Variants in AP3S1 observed in about 807,000 individuals in gnomAD.
AP3S1 encodes the protein adaptor related protein complex 3 subunit sigma 1.
AP3S1 carries 12 observed loss-of-function variants against 21.3 expected under a neutral mutation model. The ratio of observed to expected loss-of-function variants is 0.56; its 90% CI spans 0.36 to 0.91. The LOEUF (loss-of-function observed/expected upper bound fraction) is 0.91, where lower values mean the gene tolerates loss of function less well. Among genes scored for constraint, AP3S1 ranks in the 40% least tolerant of loss-of-function variants. The probability of loss-of-function intolerance (pLI) is 0.01; values close to 1 mark genes in which losing one functional copy is unlikely to be tolerated. For synonymous variants in AP3S1, 48 were observed against 78.4 expected (o/e 0.61, Z 2.05); for missense variants, 116 against 225.0 (o/e 0.52, Z 3.10).
In AP3S1 at chr5:115,851,471, C is replaced by G. The variant is rs548203518; in HGVS notation, c.69+9365C>G. Among the ~76,000 whole-genome samples, 14 of 152,220 alleles carry G rather than the reference C, an allele frequency of 9.2e-5. No individual in the cohort carries two copies. In the South Asian group the frequency reaches 2.7e-3, roughly 29 times the overall value. On this transcript the variant is annotated intron_variant, in intron 1 of 5. Transcript: ENST00000316788. Reference sequence around the variant, plus strand: ...GCAATGCACAAAGGTTCTAGTTTCTCTACATCCACGTTATTTTTTGTTTTT... The same window carrying G: ...GCAATGCACAAAGGTTCTAGTTTCTGTACATCCACGTTATTTTTTGTTTTT...
rs550120193 is a variant in AP3S1 at position 115,868,806 on chromosome 5, C to A, written c.162-1211C>A. Among the ~76,000 whole-genome samples, 434 of 151,618 alleles carry A rather than the reference C, an allele frequency of 2.9e-3. 2 individuals are homozygous for A. The highest frequency in any genetic ancestry group is 1.0e-2 in the African/African-American group (412 of 41,306). The stretch of plus-strand genomic sequence containing the variant: ...CTGAGGCAGGAGAATTGCTTGAAGC[C>A]AGGAGGCAGAGGCTGCAGTGAGCTG... On this transcript the variant is annotated intron_variant, in intron 2 of 5. Coordinates refer to ENST00000316788, the MANE Select transcript of AP3S1 (RefSeq NM_001284.4).
At chr5:115,882,731 C>T (rs552879846) in intron 3 of AP3S1, among the ~76,000 whole-genome samples, 1 of 152,316 alleles carries the variant, frequency 6.6e-6, no homozygotes, top group South Asian at 2.1e-4. Context: ...GAGCACTGTG[C>T]TGGGAGATCT....
intron 1 of AP3S1, among the ~76,000 whole-genome samples, chr5:115,861,954 C>G (rs928154990): frequency 6.7e-6 from 1 of 149,180 alleles, no homozygotes; most frequent in Non-Finnish European, 1.5e-5. Context: ...TCCCCTTCAG[C>G]CTCCCAAAGT....
chr5:115,912,741 A>G (rs899370110), intron 5 of AP3S1, among the ~76,000 whole-genome samples: 1 of 151,996 alleles, frequency 6.6e-6, no homozygotes, highest in Non-Finnish European at 1.5e-5. Context: ...GTGTAGTTTC[A>G]TCTTTAGGCA....
intron 5 of AP3S1, among the ~76,000 whole-genome samples, chr5:115,911,087 A>G (rs1752065514): frequency 6.6e-6 from 1 of 152,100 alleles, no homozygotes; most frequent in African/African-American, 2.4e-5. Flanking sequence ...CAATTGCTAT[A>G]TTGACTTTAT....
intron 4 of AP3S1, among the ~76,000 whole-genome samples, chr5:115,901,763 C>T (rs1423155545): frequency 6.6e-6 from 1 of 152,012 alleles, no homozygotes; most frequent in Non-Finnish European, 1.5e-5. Flanking sequence ...GCCATATTGC[C>T]AGTGATCTGT....
intron 1 of AP3S1, among the ~76,000 whole-genome samples, chr5:115,850,806 T>C (rs1762386267): frequency 6.6e-6 from 1 of 152,126 alleles, no homozygotes. Flanking sequence ...TGAGCCAAAA[T>C]GAGAACAGTT....
intron 5 of AP3S1, among the ~76,000 whole-genome samples, chr5:115,910,034 C>T (rs1751971872): frequency 6.6e-6 from 1 of 152,142 alleles, no homozygotes. Flanking sequence ...GGGGCCAAGG[C>T]AGAAGACTCA....
chr5:115,894,907 A>T (rs1750616673), intron 3 of AP3S1, among the ~76,000 whole-genome samples, 180 bp from the exon 4 acceptor site: 1 of 152,176 alleles, frequency 6.6e-6, no homozygotes, highest in Non-Finnish European at 1.5e-5. Flanking sequence ...ATTTATCTGT[A>T]GTTAAACTTG....
intron 5 of AP3S1, chr5:115,911,940 T>C (rs969479572): frequency 1.3e-5 from 2 of 151,868 alleles, no homozygotes; most frequent in Non-Finnish European, 2.9e-5. Flanking sequence ...GGGTATGGAG[T>C]TATTCATTTG....
chr5:115,866,353 G>C (rs755031469), intron 1 of AP3S1, among the ~76,000 whole-genome samples: 2 of 152,122 alleles, frequency 1.3e-5, no homozygotes, highest in Non-Finnish European at 2.9e-5. Flanking sequence ...AAGATAATCA[G>C]CTTTGACTAG....
intron 1 of AP3S1, among the ~76,000 whole-genome samples, chr5:115,853,695 G>A (rs758254298): frequency 1.3e-5 from 2 of 152,072 alleles, no homozygotes; most frequent in Non-Finnish European, 2.9e-5. Context: ...TTAGTTGTTT[G>A]AGCACCATTT....
At chr5:115,898,395 C>T (rs759021931) in intron 4 of AP3S1, among the ~76,000 whole-genome samples, 30 of 152,326 alleles carry the variant, frequency 2.0e-4, no homozygotes, top group Non-Finnish European at 2.1e-4. Context: ...GTATCAATCA[C>T]ATAGGCTAGT....
At chr5:115,849,727 G>C (rs1762302940) in intron 1 of AP3S1, among the ~76,000 whole-genome samples, 1 of 152,114 alleles carries the variant, frequency 6.6e-6, no homozygotes, top group Non-Finnish European at 1.5e-5. Context: ...GTTAGGCTCT[G>C]TAAAGAAGGT....
intron 3 of AP3S1, among the ~76,000 whole-genome samples, chr5:115,872,263 C>T (rs767827816): frequency 1.3e-5 from 2 of 151,970 alleles, no homozygotes; most frequent in Non-Finnish European, 2.9e-5. Flanking sequence ...GCCCAGGTAA[C>T]AGAGTGAGAC....
At chr5:115,903,240 A>G in intron 5 of AP3S1, 1 of 269,136 alleles carries the variant, frequency 3.7e-6, no homozygotes, top group Non-Finnish European at 7.0e-6. Context: ...GCACAATTCC[A>G]AATCTTATTG....
intron 3 of AP3S1, among the ~76,000 whole-genome samples, chr5:115,885,283 G>T (rs184348373): frequency 6.6e-6 from 1 of 152,106 alleles, no homozygotes; most frequent in Non-Finnish European, 1.5e-5. Flanking sequence ...ACAATAGGCC[G>T]TCTGCAAGCT....
chr5:115,877,037 A>G (rs1008023061), intron 3 of AP3S1, among the ~76,000 whole-genome samples: 29 of 152,204 alleles, frequency 1.9e-4, no homozygotes, highest in African/African-American at 6.5e-4. Context: ...TTCTAGTCAT[A>G]TATTTGTTAA....
chr5:115,854,020 G>A (rs536995360), intron 1 of AP3S1, among the ~76,000 whole-genome samples: 1 of 152,294 alleles, frequency 6.6e-6, no homozygotes, highest in African/African-American at 2.4e-5. Context: ...GGAAGTCCAA[G>A]GTCAAGGAGC....
Sources: allele counts gnomAD v4.1 joint callset (sites outside exome capture counted in the v4.1 genomes callset), GRCh38; gene constraint gnomAD v4.1.1; transcripts MANE v1.5; gene names NCBI Gene and HGNC (gene_info 2026-07-23, HGNC 2026-07-21).